Variants in NUDT3 observed in about 807,000 individuals in gnomAD.
NUDT3 encodes the protein diphosphoinositol polyphosphate phosphohydrolase 1.
NUDT3 carries 9 observed loss-of-function variants against 23.6 expected under a neutral mutation model. The ratio of observed to expected loss-of-function variants is 0.38; its 90% CI spans 0.23 to 0.66. The LOEUF (loss-of-function observed/expected upper bound fraction) is 0.66. Among genes scored for constraint, NUDT3 ranks in the 30% least tolerant of loss-of-function variants. NUDT3 has a pLI of 0.52. For synonymous variants in NUDT3, 86 were observed against 82.6 expected (o/e 1.04, Z -0.22); for missense variants, 172 against 218.5 (o/e 0.79, Z 1.34).
In NUDT3 at chr6:34,281,146, A is replaced by C. The variant is rs1763274490; in HGVS notation, c.*7607T>G. On this transcript the variant is annotated 3_prime_UTR_variant, in exon 5 of 5. Coordinates refer to ENST00000607016, the MANE Select transcript of NUDT3 (RefSeq NM_006703.4). ...ACCTTTCTGATGCTGATAGTAGATG[A>C]GTGGAGTGGAGGTAATCGTGAGAAA... 6.6e-6 allele frequency: 1 copy of C among 152,222 alleles called. No homozygotes were observed. Among genetic ancestry groups the C allele is most frequent in the African/African-American group, 2.4e-5 (1 of 41,446 alleles). The allele number at this position is 152,222 out of a possible 1,614,324, so 9.4% of individuals were successfully genotyped here.
rs1477440196 is a variant in NUDT3 at position 34,303,903 on chromosome 6, C to T, written c.211-8218G>A. On this transcript the variant is annotated intron_variant, in intron 2 of 4. Coordinates refer to ENST00000607016, the MANE Select transcript of NUDT3 (RefSeq NM_006703.4). ...CAATAGGAGAGCTGAGTGGCTAAAA[C>T]AGATACCATATGAATTCTAAAGCCT... Among the ~76,000 whole-genome samples, 3 of 152,246 alleles carry T rather than the reference C, an allele frequency of 2.0e-5. No individual in the cohort carries two copies. In the East Asian group the frequency reaches 5.8e-4, roughly 29 times the overall value.
At chr6:34,335,381 T>C (rs1764193667) in intron 2 of NUDT3, among the ~76,000 whole-genome samples, 2 of 152,162 alleles carry the variant, frequency 1.3e-5, no homozygotes. Flanking sequence ...TAGAAACATT[T>C]AGAATTAAAT....
intron 2 of NUDT3, among the ~76,000 whole-genome samples, chr6:34,317,236 C>T (rs78868525): frequency 6.6e-6 from 1 of 152,028 alleles, no homozygotes. Flanking sequence ...TTTCAGATGG[C>T]TACTGAACAT....
In NUDT3 at chr6:34,382,850, G is replaced by A. The variant is rs140857841; in HGVS notation, c.99+9414C>T. 2.0e-4 allele frequency among the ~76,000 whole-genome samples: 31 copies of A among 151,642 alleles called. No individual in the cohort carries two copies. The East Asian group carries it at 2.9e-3, about 14-fold the overall frequency. On this transcript the variant is annotated intron_variant, in intron 1 of 4. Coordinates refer to ENST00000607016, the MANE Select transcript of NUDT3 (RefSeq NM_006703.4). ...TGTCTCAAAAAAAAAAGGAAAGGCC[G>A]GGCGCGGTGGTTCTCACCTGTAATC... is the stretch of plus-strand genomic sequence containing the variant.
chr6:34,284,432 T>C lies in NUDT3; in HGVS notation c.*4321A>G, dbSNP rs1333306879. ...TGCAATTCTAAATCCGCCCTTGATA[T>C]TAGAGAATATTAAAATCACACAGTT... On this transcript the variant is annotated 3_prime_UTR_variant, in exon 5 of 5. Transcript: ENST00000607016. 2 of 152,076 alleles carry C rather than the reference T, an allele frequency of 1.3e-5. No homozygotes were observed. Among genetic ancestry groups the C allele is most frequent in the Non-Finnish European group, 2.9e-5 (2 of 68,010 alleles). 9.4% of individuals were successfully genotyped at this position (152,076 alleles called of 1,614,324 possible). A position where few individuals can be genotyped will look rare whatever the true frequency, so the allele number is the denominator to read the frequency against.
At chr6:34,301,014 A>G (rs943704671) in intron 2 of NUDT3, among the ~76,000 whole-genome samples, 24 of 152,240 alleles carry the variant, frequency 1.6e-4, no homozygotes, top group African/African-American at 5.8e-4. Context: ...TTTACCTTCT[A>G]TAACTTTTTC....
chr6:34,321,203 C>T (rs547759174), intron 2 of NUDT3, among the ~76,000 whole-genome samples: 22 of 152,006 alleles, frequency 1.4e-4, no homozygotes, highest in African/African-American at 4.3e-4. Flanking sequence ...TCTGGGAGGC[C>T]GAGGCAGGTG....
At chr6:34,327,072 T>C (rs1191670509) in intron 2 of NUDT3, among the ~76,000 whole-genome samples, 2 of 151,554 alleles carry the variant, frequency 1.3e-5, no homozygotes, top group African/African-American at 4.9e-5. Context: ...CTGATATTTA[T>C]TGTATACAAA....
intron 1 of NUDT3, among the ~76,000 whole-genome samples, chr6:34,367,485 TA>T (rs558077030): frequency 7.8e-4 from 108 of 137,978 alleles, no homozygotes; most frequent in African/African-American, 1.4e-3. Flanking sequence ...TCCATCTCAT[TA>T]AAAAAAAAAA....
chr6:34,336,185 C>T (rs1764206727), intron 2 of NUDT3, among the ~76,000 whole-genome samples: 1 of 152,052 alleles, frequency 6.6e-6, no homozygotes, highest in Non-Finnish European at 1.5e-5. Context: ...AGGAGAATCG[C>T]TTGAAACCCA....
intron 1 of NUDT3, among the ~76,000 whole-genome samples, chr6:34,356,528 G>C (rs769926548): frequency 1.3e-5 from 2 of 152,056 alleles, no homozygotes; most frequent in African/African-American, 2.4e-5. Flanking sequence ...AACTTGAAAA[G>C]GCTCACACTG....
chr6:34,378,744 C>T (rs1358161891), intron 1 of NUDT3, among the ~76,000 whole-genome samples: 2 of 152,182 alleles, frequency 1.3e-5, no homozygotes, highest in African/African-American at 2.4e-5. Flanking sequence ...ATCCACATGG[C>T]CACACCAGAG....
intron 2 of NUDT3, among the ~76,000 whole-genome samples, chr6:34,300,868 C>T (rs1763587679): frequency 6.6e-6 from 1 of 152,182 alleles, no homozygotes; most frequent in Non-Finnish European, 1.5e-5. Flanking sequence ...TTCCCCACTC[C>T]CTGCAAGAGA....
chr6:34,360,466 C>G (rs529576361), intron 1 of NUDT3, among the ~76,000 whole-genome samples: 51 of 152,096 alleles, frequency 3.4e-4, no homozygotes, highest in East Asian at 2.5e-3. Context: ...CCCAGCTACT[C>G]AGGAGGCTGA....
At position 34,389,417 on chromosome 6, in the gene NUDT3, C is replaced by A. The variant is rs185827850; in HGVS notation, c.99+2847G>T. ...ATGTATAACTGTGAGTCAATTAAAC[C>A]TCTTTCTTTATAAATTACTCAGTCT... On this transcript the variant is annotated intron_variant, in intron 1 of 4. Coordinates refer to ENST00000607016, the MANE Select transcript of NUDT3 (RefSeq NM_006703.4). Among the ~76,000 whole-genome samples the A allele has an allele frequency of 1.1e-3, 161 of 152,274 alleles. 1 individual carries two copies. The highest frequency in any genetic ancestry group is 2.7e-3 in the Admixed American group (42 of 15,290).
chr6:34,326,027 G>A (rs1764023035), intron 2 of NUDT3, among the ~76,000 whole-genome samples: 1 of 150,984 alleles, frequency 6.6e-6, no homozygotes, highest in Non-Finnish European at 1.5e-5. Flanking sequence ...TTTTAGTTCT[G>A]ATTTTAAAGA....
Position 34,299,152 on chromosome 6 carries a change from G to T in NUDT3, c.211-3467C>A, listed in dbSNP as rs565669738. 2.6e-5 allele frequency among the ~76,000 whole-genome samples: 4 copies of T among 152,300 alleles called. No homozygotes were observed. The South Asian group carries it at 8.3e-4, about 32-fold the overall frequency. On this transcript the variant is annotated intron_variant, in intron 2 of 4. Transcript: ENST00000607016. Reference sequence around the variant, plus strand: ...CACATGATTCCTGCATGCAGGTCGGGATATGTGTCAGGGCCACATCTGACA... The same window carrying T: ...CACATGATTCCTGCATGCAGGTCGGTATATGTGTCAGGGCCACATCTGACA...
chr6:34,307,328 C>T lies in NUDT3; in HGVS notation c.211-11643G>A, dbSNP rs553662373. ...GTGTGGTGGCTCATGCCTGCAATGCCAGCACTTTTGGAGGTCGAGGCAAGA... is the reference window on the plus strand; with the variant it reads ...GTGTGGTGGCTCATGCCTGCAATGCTAGCACTTTTGGAGGTCGAGGCAAGA... On this transcript the variant is annotated intron_variant, in intron 2 of 4. Coordinates refer to ENST00000607016, the MANE Select transcript of NUDT3 (RefSeq NM_006703.4). Among the ~76,000 whole-genome samples, 110 of 152,240 alleles carry T rather than the reference C, an allele frequency of 7.2e-4. 1 individual carries two copies. Among genetic ancestry groups the T allele is most frequent in the African/African-American group, 2.3e-3 (94 of 41,538 alleles).
At chr6:34,367,485 T>TA (rs558077030) in intron 1 of NUDT3, among the ~76,000 whole-genome samples, 379 of 137,964 alleles carry the variant, frequency 2.7e-3, no homozygotes, top group East Asian at 0.011. Context: ...TCCATCTCAT[T>TA]AAAAAAAAAA....
Sources: gnomAD v4.1 joint callset for allele counts (sites outside exome capture counted in the v4.1 genomes callset) on GRCh38, gnomAD v4.1.1 for gene constraint, MANE v1.5 for transcripts, NCBI Gene and HGNC (gene_info 2026-07-23, HGNC 2026-07-21) for gene names.